The following PCNT variants were observed in gnomAD, a reference collection of about 807,000 sequenced individuals.
The protein encoded by PCNT is pericentrin, also known as kendrin.
A neutral mutation model predicts 380.4 loss-of-function variants in PCNT; 319 were observed. That is an observed-to-expected ratio of 0.84 (90% confidence interval 0.77 to 0.92). PCNT has a LOEUF of 0.92. PCNT is among the 40% of genes least tolerant of loss of function. The pLI is 0.00. For synonymous variants in PCNT, 1,845 were observed against 1,735.2 expected (o/e 1.06, Z -1.57); for missense variants, 4,400 against 4,255.3 (o/e 1.03, Z -0.95).
intron 13 of PCNT, among the ~76,000 whole-genome samples, chr21:46,359,478 C>CTTTTTTTTTT (rs1439114322): frequency 1.4e-5 from 1 of 72,612 alleles, no homozygotes; most frequent in African/African-American, 4.1e-5. Flanking sequence ...AAAAATACAC[C>CTTTTTTTTTT]TGTTTTTTTT....
At chr21:46,397,714 A>G (rs2086254551) in intron 22 of PCNT, among the ~76,000 whole-genome samples, 2 of 152,110 alleles carry the variant, frequency 1.3e-5, no homozygotes, top group African/African-American at 4.8e-5. Flanking sequence ...TGGTCTTGCC[A>G]TGCTCCTTCT....
chr21:46,409,789 G>A (rs1480887227), intron 27 of PCNT, among the ~76,000 whole-genome samples: 2 of 151,760 alleles, frequency 1.3e-5, no homozygotes, highest in Non-Finnish European at 2.9e-5. Flanking sequence ...AGACCAGGGT[G>A]CACCGTGTCG....
chr21:46,399,323 A>AGGTCTCCCTGTGCAGCCTGTGGGTCTG (rs2086335439), intron 24 of PCNT, among the ~76,000 whole-genome samples: 2 of 101,376 alleles, frequency 2.0e-5, no homozygotes, highest in Admixed American at 9.4e-5. Flanking sequence ...CTGTGGGTCT[A>AGGTCTCCCTGTGCAGCCTGTGGGTCTG]GGTCTCCCTG....
At chr21:46,407,378 G>A (rs1030055053) in intron 27 of PCNT, among the ~76,000 whole-genome samples, 2 of 113,496 alleles carry the variant, frequency 1.8e-5, no homozygotes, top group Non-Finnish European at 3.3e-5. Context: ...GTCTTGCTCC[G>A]TCACCCAGGC....
chr21:46,336,887 C>CA, intron 3 of PCNT, among the ~76,000 whole-genome samples: 1 of 152,050 alleles, frequency 6.6e-6, no homozygotes, highest in Non-Finnish European at 1.5e-5. Context: ...CTGCCCTCCC[C>CA]CCCAGGTTTA....
At position 46,333,731 on chromosome 21, in the gene PCNT, G is replaced by A. The variant is rs146258045; in HGVS notation, c.268-666G>A. 7.0e-3 allele frequency among the ~76,000 whole-genome samples: 1,055 copies of A among 149,930 alleles called. 13 individuals carry two copies. The highest frequency in any genetic ancestry group is 0.025 in the African/African-American group (1,001 of 40,790). On this transcript the variant is annotated intron_variant, in intron 2 of 46. Transcript: ENST00000359568. ...GTCTGGCCAACATGGTGAAACCCCC[G>A]GGAGGTTGAGACAGGAGAATCACTT...
At chr21:46,442,460 C>A in intron 43 of PCNT, 37 bp from the exon 44 acceptor site, 1 of 1,319,584 alleles carries the variant, frequency 7.6e-7, no homozygotes, top group South Asian at 1.2e-5. Context: ...CCTGTCTTGC[C>A]GTACTTTTAA....
intron 29 of PCNT, among the ~76,000 whole-genome samples, chr21:46,413,983 T>C (rs555000602): frequency 7.3e-6 from 1 of 137,100 alleles, no homozygotes; most frequent in African/African-American, 3.0e-5. Flanking sequence ...GCACCTTTAT[T>C]TTTTTTCTCT....
Position 46,353,745 on chromosome 21 carries a change from TGTGTGTGAGA to T in PCNT, c.1680-240_1680-231del, listed in dbSNP as rs923992636. Among the ~76,000 whole-genome samples the T allele has an allele frequency of 5.7e-4, 72 of 125,666 alleles. No homozygotes were observed. In the South Asian group the frequency reaches 8.3e-3, roughly 14 times the overall value. 82.4% of individuals were successfully genotyped at this position (125,666 alleles called of 152,430 possible). A position where few individuals can be genotyped will look rare whatever the true frequency, so the allele number is the denominator to read the frequency against. ...GTGTGTGTGTGTGTGTGTGTGTGTG[TGTGTGTGAGA>T]GAGACAGAGAGAGAGTCAGTGGCGG... On this transcript the variant is annotated intron_variant, in intron 10 of 46. Transcript: ENST00000359568.
intron 15 of PCNT, among the ~76,000 whole-genome samples, chr21:46,371,547 C>T (rs1464431579): frequency 6.6e-6 from 1 of 152,178 alleles, no homozygotes; most frequent in Non-Finnish European, 1.5e-5. Context: ...TATGCGTAAG[C>T]ACTGGTACCA....
At chr21:46,375,344 A>G (rs1285047693) in intron 15 of PCNT, among the ~76,000 whole-genome samples, 1 of 152,236 alleles carries the variant, frequency 6.6e-6, no homozygotes, top group Admixed American at 6.5e-5. Flanking sequence ...ATAGCATTTG[A>G]ATGTCCTAAA....
At chr21:46,417,293 C>T (rs561742165) in intron 30 of PCNT, among the ~76,000 whole-genome samples, 28 of 140,238 alleles carry the variant, frequency 2.0e-4, no homozygotes, top group Middle Eastern at 8.1e-3. Context: ...TCCCCAGGTT[C>T]AAGCAAATCT....
intron 21 of PCNT, among the ~76,000 whole-genome samples, chr21:46,392,729 G>A (rs894772797): frequency 6.6e-6 from 1 of 152,188 alleles, no homozygotes; most frequent in African/African-American, 2.4e-5. Flanking sequence ...GGTCCCACGG[G>A]ATGTTTTAAA....
chr21:46,391,301 G>T lies in PCNT; in HGVS notation c.4141G>T (p.Ala1381Ser), dbSNP rs2086022837. The T allele has an allele frequency of 1.3e-6, 2 of 1,573,296 alleles. No homozygotes were observed. Among genetic ancestry groups the T allele is most frequent in the African/African-American group, 1.3e-5 (1 of 74,286 alleles). Residue 1381 changes from alanine to serine, a missense_variant, in exon 21 of 47, where the codon GCG (alanine) becomes TCG (serine). Physicochemically the swap from Ala to Ser is moderately conservative, Grantham distance 99. Transcript: ENST00000359568. The part of the protein sequence containing the change: ...QLQQAAQEQA[A>S]LREECTRLWS... ...GCAGCAGGCGGCCCAGGAGCAGGCG[G>T]CGCTGAGGGAGGAGTGCACCCGTCT... is the stretch of plus-strand genomic sequence containing the variant.
At chr21:46,348,721 C>T (rs1017829286) in intron 6 of PCNT, among the ~76,000 whole-genome samples, 1 of 152,096 alleles carries the variant, frequency 6.6e-6, no homozygotes, top group South Asian at 2.1e-4. Flanking sequence ...CTCAATTGAT[C>T]CTCCTGCCTC....
chr21:46,391,691 CAA>C (rs1210962315), intron 21 of PCNT, among the ~76,000 whole-genome samples: 2 of 152,218 alleles, frequency 1.3e-5, no homozygotes, highest in East Asian at 1.9e-4. Context: ...GTGCGGCAAA[CAA>C]GAGCTACTTT....
At chr21:46,353,459 C>A in intron 10 of PCNT, 133 bp downstream of exon 10, 2 of 812,430 alleles carry the variant, frequency 2.5e-6, no homozygotes, top group Non-Finnish European at 2.1e-6. Context: ...TTTTATGGTC[C>A]AGATTTAAAA....
intron 29 of PCNT, among the ~76,000 whole-genome samples, chr21:46,414,469 G>C (rs1234301875): frequency 3.6e-5 from 1 of 27,856 alleles, no homozygotes; most frequent in African/African-American, 2.3e-4. Flanking sequence ...CCTCCTCCTG[G>C]ACACACAGCC....
chr21:46,424,379 G>C (rs913832713), intron 32 of PCNT, among the ~76,000 whole-genome samples: 2 of 152,208 alleles, frequency 1.3e-5, no homozygotes. Context: ...GGAGATGGCA[G>C]AACCTTCTCA....
Sources: gnomAD v4.1 joint callset for allele counts (sites outside exome capture counted in the v4.1 genomes callset) on GRCh38, gnomAD v4.1.1 for gene constraint, MANE v1.5 for transcripts, NCBI Gene and HGNC (gene_info 2026-07-23, HGNC 2026-07-21) for gene names.